The following WDPCP variants were observed in gnomAD, a reference collection of about 807,000 sequenced individuals.
The protein encoded by WDPCP is WD repeat containing planar cell polarity effector.
A neutral mutation model predicts 93.1 loss-of-function variants in WDPCP; 71 were observed. That is an observed-to-expected ratio of 0.76 (90% CI 0.63 to 0.93). WDPCP has a LOEUF of 0.93. WDPCP is among the 40% of genes least tolerant of loss of function. The pLI is 0.00. For missense variants in WDPCP, 844 were observed against 887.4 expected (o/e 0.95, Z 0.62); for synonymous variants, 315 against 315.0 (o/e 1.00, Z 0.00).
chr2:63,716,321 A>T (rs1373758226), intron 2 of WDPCP, among the ~76,000 whole-genome samples: 1 of 152,130 alleles, frequency 6.6e-6, no homozygotes, highest in Non-Finnish European at 1.5e-5. Context: ...TATTGTCCTA[A>T]CCTTAGTGAG....
intron 2 of WDPCP, among the ~76,000 whole-genome samples, chr2:63,663,434 CAG>C (rs1472657498): frequency 6.6e-6 from 1 of 152,176 alleles, no homozygotes; most frequent in Non-Finnish European, 1.5e-5. Context: ...AAGGAAACAT[CAG>C]AGAGGAAAGC....
At chr2:63,525,144 G>A (rs571940293) in intron 1 of WDPCP, among the ~76,000 whole-genome samples, 1 of 152,288 alleles carries the variant, frequency 6.6e-6, no homozygotes, top group South Asian at 2.1e-4. Flanking sequence ...CTAACACAGG[G>A]ACAGAAAACC....
chr2:63,300,112 G>T (rs1685209238), intron 13 of WDPCP, among the ~76,000 whole-genome samples: 1 of 151,972 alleles, frequency 6.6e-6, no homozygotes, highest in Non-Finnish European at 1.5e-5. Flanking sequence ...CCTCAAACTG[G>T]ACTATAAACT....
rs528733655 is a variant in WDPCP, at chr2:63,216,290, A to G, written c.1916-41458T>C. On this transcript the variant is annotated intron_variant, in intron 14 of 17. Coordinates refer to ENST00000272321, the MANE Select transcript of WDPCP (RefSeq NM_015910.7). ...TATTGCAACACTATTCACAATAGCAAAGACTTGGAACCAACCCAAATGTCC... is the reference window on the plus strand; with the variant it reads ...TATTGCAACACTATTCACAATAGCAGAGACTTGGAACCAACCCAAATGTCC... Among the ~76,000 whole-genome samples the G allele has an allele frequency of 1.9e-3, 289 of 152,340 alleles. 4 individuals are homozygous for G. The highest frequency in any genetic ancestry group is 6.8e-3 in the Middle Eastern group (2 of 294).
chr2:63,468,256 T>A (rs1290478870), intron 6 of WDPCP, among the ~76,000 whole-genome samples: 1 of 152,178 alleles, frequency 6.6e-6, no homozygotes, highest in Admixed American at 6.6e-5. Context: ...TTCTTCATCA[T>A]CTTTCACATC....
At position 63,719,815 on chromosome 2, in the gene WDPCP, C is replaced by G. The variant is rs564525393; in HGVS notation, n.309-68977G>C. Among the ~76,000 whole-genome samples the G allele has an allele frequency of 2.0e-5, 3 of 151,932 alleles. No homozygotes were observed. The East Asian group carries it at 5.8e-4, about 29-fold the overall frequency. On this transcript the variant is annotated intron_variant and non_coding_transcript_variant, in intron 2 of 4. Transcript: ENST00000467687. ...TTTTAAAAGTTTACCATATATTAGGCTATAAGAAAATCAAATGCAGAAATT... is the reference window on the plus strand; with the variant it reads ...TTTTAAAAGTTTACCATATATTAGGGTATAAGAAAATCAAATGCAGAAATT...
chr2:63,476,084 C>G (rs1442419306), intron 6 of WDPCP, among the ~76,000 whole-genome samples: 2 of 152,086 alleles, frequency 1.3e-5, no homozygotes, highest in African/African-American at 2.4e-5. Context: ...ACCCTCTGCA[C>G]CTTAAGCTCA....
At chr2:63,442,985 A>G (rs1333734674) in intron 6 of WDPCP, 1 of 152,146 alleles carries the variant, frequency 6.6e-6, no homozygotes, top group Non-Finnish European at 1.5e-5. Flanking sequence ...CACTGGTTAG[A>G]TAACTGATCT....
At chr2:63,591,127 A>C (rs934881816), upstream of WDPCP, among the ~76,000 whole-genome samples, 1 of 152,248 alleles carries the variant, frequency 6.6e-6, no homozygotes, top group African/African-American at 2.4e-5. Context: ...ATCTGCAGGA[A>C]AGTCATTGGT....
intron 8 of WDPCP, 116 bp from the exon 9 acceptor site, chr2:63,434,052 T>A: frequency 1.9e-6 from 2 of 1,030,740 alleles, no homozygotes; most frequent in Non-Finnish European, 2.9e-6. Context: ...AATATGCATG[T>A]TAAACATGTG....
chr2:63,679,394 T>A (rs1355875891), intron 2 of WDPCP, among the ~76,000 whole-genome samples: 1 of 152,184 alleles, frequency 6.6e-6, no homozygotes, highest in Non-Finnish European at 1.5e-5. Flanking sequence ...TCAGTAGTCA[T>A]GGCACATGCA....
chr2:63,626,534 T>C (rs949976494), intron 3 of WDPCP, among the ~76,000 whole-genome samples: 2 of 152,284 alleles, frequency 1.3e-5, no homozygotes, highest in African/African-American at 2.4e-5. Flanking sequence ...CAGACACTTC[T>C]CAAAAGAAGA....
intron 12 of WDPCP, among the ~76,000 whole-genome samples, chr2:63,336,905 T>TTTC (rs1373313815): frequency 6.8e-6 from 1 of 148,038 alleles, no homozygotes; most frequent in African/African-American, 2.5e-5. Context: ...CTTTTTTTTT[T>TTTC]TTTTTTTGAG....
intron 17 of WDPCP, among the ~76,000 whole-genome samples, chr2:63,128,570 A>C (rs915120374): frequency 6.6e-6 from 1 of 152,172 alleles, no homozygotes; most frequent in African/African-American, 2.4e-5. Context: ...TGTAACCATC[A>C]CCGCTCTCCA....
chr2:63,348,694 AT>A (rs1397892843), intron 12 of WDPCP, among the ~76,000 whole-genome samples: 2 of 152,182 alleles, frequency 1.3e-5, no homozygotes, highest in African/African-American at 4.8e-5. Flanking sequence ...AAGTTGAAGA[AT>A]AATTCCATGA....
At chr2:63,497,335 A>T (rs1311272536) in intron 1 of WDPCP, among the ~76,000 whole-genome samples, 1 of 152,178 alleles carries the variant, frequency 6.6e-6, no homozygotes, top group Admixed American at 6.5e-5. Context: ...GCCAATGTCC[A>T]TTAGTAGATA....
At chr2:63,291,555 T>C (rs1171627996) in intron 13 of WDPCP, among the ~76,000 whole-genome samples, 1 of 152,220 alleles carries the variant, frequency 6.6e-6, no homozygotes, top group Non-Finnish European at 1.5e-5. Context: ...ACATCTGTAA[T>C]TCCAGCACTT....
intron 14 of WDPCP, among the ~76,000 whole-genome samples, chr2:63,236,770 A>T (rs1679430662): frequency 6.6e-6 from 1 of 152,202 alleles, no homozygotes; most frequent in Admixed American, 6.6e-5. Flanking sequence ...AAAATAGGCT[A>T]GCCATATGCA....
At chr2:63,497,182 A>G (rs1701280368) in intron 1 of WDPCP, among the ~76,000 whole-genome samples, 2 of 151,648 alleles carry the variant, frequency 1.3e-5, no homozygotes, top group Admixed American at 6.6e-5. Flanking sequence ...AGTAAGCAGG[A>G]ATGGTGAATG....
Sources: allele counts gnomAD v4.1 joint callset (sites outside exome capture counted in the v4.1 genomes callset), GRCh38; gene constraint gnomAD v4.1.1; transcripts MANE v1.5; gene names NCBI Gene and HGNC (gene_info 2026-07-23, HGNC 2026-07-21).